STPG2: variants seen among roughly 807,000 people sequenced by gnomAD.
The protein encoded by STPG2 is sperm-tail PG-rich repeat-containing protein 2.
A neutral mutation model predicts 54.2 loss-of-function variants in STPG2; 56 were observed. The ratio of observed to expected loss-of-function variants is 1.03; its 90% CI spans 0.83 to 1.29. The LOEUF is 1.29. Among genes scored for constraint, STPG2 ranks in the 50% most tolerant of loss-of-function variants. The probability of loss-of-function intolerance (pLI) is 0.00; values close to 1 mark genes in which losing one functional copy is unlikely to be tolerated. For synonymous variants in STPG2, 200 were observed against 181.8 expected, an observed-to-expected ratio of 1.10 and a Z score of -0.81; for missense variants, 596 against 544.9, an observed-to-expected ratio of 1.09 and a Z score of -0.93.
chr4:97,566,035 A>T (rs529193962), intron 10 of STPG2, among the ~76,000 whole-genome samples: 4 of 152,324 alleles, frequency 2.6e-5, no homozygotes, highest in African/African-American at 9.6e-5. Context: ...CCCTGACCCC[A>T]GAGGTGGAGC....
chr4:97,546,030 ATCT>A (rs1407214947), intron 4 of STPG2, among the ~76,000 whole-genome samples: 2 of 152,032 alleles, frequency 1.3e-5, no homozygotes, highest in African/African-American at 4.8e-5. Context: ...AATCAATAAT[ATCT>A]TCTTATCTTA....
At chr4:97,876,043 C>A (rs1730159479) in intron 8 of STPG2, among the ~76,000 whole-genome samples, 1 of 151,992 alleles carries the variant, frequency 6.6e-6, no homozygotes, top group East Asian at 1.9e-4. Context: ...TCAGCCAGTA[C>A]ACAGTTCGTC....
chr4:97,868,227 TTCTA>T (rs1297276303), intron 8 of STPG2, among the ~76,000 whole-genome samples: 15 of 152,076 alleles, frequency 9.9e-5, no homozygotes, highest in South Asian at 4.1e-4. Context: ...TATCTGATTC[TTCTA>T]TCTATCTCTG....
At chr4:98,019,278 C>A (rs575585644) in intron 5 of STPG2, among the ~76,000 whole-genome samples, 30 of 152,252 alleles carry the variant, frequency 2.0e-4, no homozygotes, top group Admixed American at 1.0e-3. Flanking sequence ...TAGGGAATCC[C>A]TTTCCCATTG....
chr4:98,007,375 G>C (rs561205550), intron 5 of STPG2, among the ~76,000 whole-genome samples: 1 of 152,044 alleles, frequency 6.6e-6, no homozygotes, highest in African/African-American at 2.4e-5. Context: ...AAAATTCATA[G>C]ATTCTTCACC....
At chr4:97,868,733 G>C (rs1178862967) in intron 8 of STPG2, among the ~76,000 whole-genome samples, 1 of 151,792 alleles carries the variant, frequency 6.6e-6, no homozygotes, top group Admixed American at 6.6e-5. Flanking sequence ...ACAGCTGTTA[G>C]AATGTATATC....
intron 8 of STPG2, among the ~76,000 whole-genome samples, chr4:97,924,284 C>A (rs1170761186): frequency 6.6e-6 from 1 of 152,162 alleles, no homozygotes; most frequent in Admixed American, 6.5e-5. Context: ...GACCAAGAAC[C>A]CACCAATTCC....
At chr4:97,479,678 AT>A (rs1730170421) in intron 4 of STPG2, among the ~76,000 whole-genome samples, 1 of 151,930 alleles carries the variant, frequency 6.6e-6, no homozygotes, top group Admixed American at 6.6e-5. Flanking sequence ...TTAGAATTGA[AT>A]ATCTGTGACT....
chr4:97,611,203 C>T (rs1733722188), intron 10 of STPG2, among the ~76,000 whole-genome samples: 1 of 151,428 alleles, frequency 6.6e-6, no homozygotes, highest in African/African-American at 2.4e-5. Flanking sequence ...GTGTTACCTA[C>T]TAGGTGCTGA....
chr4:97,629,093 A>G (rs1721162837), intron 10 of STPG2, among the ~76,000 whole-genome samples: 1 of 152,114 alleles, frequency 6.6e-6, no homozygotes, highest in African/African-American at 2.4e-5. Context: ...ACTACCTTAA[A>G]TAAGTTTTGT....
At chr4:97,910,958 CT>C (rs781173543) in intron 8 of STPG2, among the ~76,000 whole-genome samples, 6 of 152,260 alleles carry the variant, frequency 3.9e-5, no homozygotes, top group African/African-American at 7.2e-5. Flanking sequence ...TATCCAGGTT[CT>C]CGTTTGGTAC....
At chr4:98,011,818 T>C (rs1735761392) in intron 5 of STPG2, among the ~76,000 whole-genome samples, 1 of 152,248 alleles carries the variant, frequency 6.6e-6, no homozygotes, top group Non-Finnish European at 1.5e-5. Context: ...TTTGTTTTTC[T>C]TGTAAATTTG....
intron 2 of STPG2, among the ~76,000 whole-genome samples, chr4:98,130,940 C>CAAAAAAA (rs1215700216): frequency 2.1e-5 from 2 of 96,282 alleles, no homozygotes; most frequent in Admixed American, 1.1e-4. Context: ...AAAAAAAAAA[C>CAAAAAAA]AAAAAAAAAA....
At chr4:97,788,228 T>G (rs1726886097) in intron 9 of STPG2, among the ~76,000 whole-genome samples, 1 of 152,052 alleles carries the variant, frequency 6.6e-6, no homozygotes, top group African/African-American at 2.4e-5. Flanking sequence ...TATGACCCAC[T>G]ACCCTTCCCA....
chr4:97,466,044 T>C (rs1031494972), intron 4 of STPG2, among the ~76,000 whole-genome samples: 3 of 152,106 alleles, frequency 2.0e-5, no homozygotes, highest in Non-Finnish European at 4.4e-5. Flanking sequence ...AATGGAGAAG[T>C]TTTGTGTTTG....
chr4:97,906,607 A>G (rs1160860727), intron 8 of STPG2, among the ~76,000 whole-genome samples: 1 of 152,166 alleles, frequency 6.6e-6, no homozygotes, highest in Non-Finnish European at 1.5e-5. Context: ...CATTGATGCA[A>G]AAATCCTCAA....
chr4:97,565,588 A>T (rs1732408034), intron 10 of STPG2, among the ~76,000 whole-genome samples: 1 of 151,960 alleles, frequency 6.6e-6, no homozygotes, highest in Admixed American at 6.6e-5. Flanking sequence ...GTCTTTGATG[A>T]TGTGATGTAC....
At chr4:97,714,922 A>G (rs1724242981) in intron 9 of STPG2, among the ~76,000 whole-genome samples, 1 of 152,132 alleles carries the variant, frequency 6.6e-6, no homozygotes, top group Admixed American at 6.6e-5. Flanking sequence ...TCTATTCTCT[A>G]CCCTTACCAT....
At chr4:97,753,909 G>T (rs1725655893) in intron 9 of STPG2, among the ~76,000 whole-genome samples, 1 of 151,708 alleles carries the variant, frequency 6.6e-6, no homozygotes. Context: ...TATATCTTTT[G>T]GATATTAATT....
Sources: allele counts gnomAD v4.1 joint callset (sites outside exome capture counted in the v4.1 genomes callset), GRCh38; gene constraint gnomAD v4.1.1; transcripts MANE v1.5; gene names NCBI Gene and HGNC (gene_info 2026-07-23, HGNC 2026-07-21).